RRP1B: variants seen among roughly 807,000 people sequenced by gnomAD.
RRP1B encodes the protein ribosomal RNA processing protein 1 homolog B.
In RRP1B, 56 loss-of-function variants were observed where a neutral mutation model predicts 80.2. The observed-to-expected ratio is 0.70, with a 90% CI of 0.56 to 0.87. RRP1B has a LOEUF of 0.87. RRP1B is among the 40% of genes least tolerant of loss of function. The probability of loss-of-function intolerance (pLI) is 0.00; values close to 1 mark genes in which losing one functional copy is unlikely to be tolerated. For synonymous variants in RRP1B, 351 were observed against 357.6 expected (o/e 0.98, Z 0.21); for missense variants, 807 against 939.8 (o/e 0.86, Z 1.85).
In RRP1B at chr21:43,690,423, C is replaced by G. The variant is rs757509095; in HGVS notation, c.2002C>G (p.Pro668Ala). Residue 668 changes from proline to alanine, a missense_variant, in exon 14 of 16, where the codon CCA (proline) becomes GCA (alanine). Coordinates refer to ENST00000340648, the MANE Select transcript of RRP1B (RefSeq NM_015056.3). ...CAAGAGCAGCACTGCCACCCACCCT[C>G]CAGGCCCTGCCGTCCAGGTACGCAC... is the stretch of plus-strand genomic sequence containing the variant. ...RAKSSTATHP[P>A]GPAVQLNKTP... The G allele has an allele frequency of 2.5e-6, 4 of 1,614,018 alleles. No individual in the cohort carries two copies. The highest frequency in any genetic ancestry group is 3.3e-5 in the Admixed American group (2 of 60,006).
At chr21:43,687,007 A>G in intron 12 of RRP1B, 72 bp downstream of exon 12, 1 of 1,521,292 alleles carries the variant, frequency 6.6e-7, no homozygotes, top group East Asian at 2.3e-5. Flanking sequence ...GAGGCCTCGG[A>G]GACTTGAGCT....
rs1460503920 is a variant in RRP1B, at chr21:43,695,608, C to T, written c.*2225C>T. 1 of 152,130 alleles carries T rather than the reference C, an allele frequency of 6.6e-6. No individual in the cohort carries two copies. Among genetic ancestry groups the T allele is most frequent in the Non-Finnish European group, 1.5e-5 (1 of 68,024 alleles). The allele number at this position is 152,130 out of a possible 1,614,324, so 9.4% of individuals were successfully genotyped here. On this transcript the variant is annotated 3_prime_UTR_variant, in exon 16 of 16. Transcript: ENST00000340648. ...TTTTTAAAAATTCTCATTACATAGA[C>T]GCACAAGAATATGTCACATAAAGAA...
In RRP1B at chr21:43,695,449, A is replaced by T. The variant is rs1188622660; in HGVS notation, c.*2066A>T. ...CCATGCCTGAGAGGTCCCGGCTGGG[A>T]GTGACAGGGTGCTTCTTAGATTCTA... On this transcript the variant is annotated 3_prime_UTR_variant, in exon 16 of 16. Transcript: ENST00000340648. 2.0e-5 allele frequency: 3 copies of T among 152,198 alleles called. No homozygotes were observed. Among genetic ancestry groups the T allele is most frequent in the Non-Finnish European group, 4.4e-5 (3 of 68,036 alleles). 9.4% of individuals were successfully genotyped at this position (152,198 alleles called of 1,614,324 possible).
chr21:43,672,435 C>A, intron 3 of RRP1B, 70 bp downstream of exon 3: 1 of 1,325,898 alleles, frequency 7.5e-7, no homozygotes, highest in Non-Finnish European at 1.1e-6. Context: ...AACCTTGTGC[C>A]GGTATTGTGT....
At position 43,695,609 on chromosome 21, in the gene RRP1B, G is replaced by A. The variant is rs2083104327; in HGVS notation, c.*2226G>A. On this transcript the variant is annotated 3_prime_UTR_variant, in exon 16 of 16. Coordinates refer to ENST00000340648, the MANE Select transcript of RRP1B (RefSeq NM_015056.3). ...TTTTAAAAATTCTCATTACATAGAC[G>A]CACAAGAATATGTCACATAAAGAAA... The A allele has an allele frequency of 1.3e-5, 2 of 152,166 alleles. No individual in the cohort carries two copies. The highest frequency in any genetic ancestry group is 2.9e-5 in the Non-Finnish European group (2 of 68,036). The allele number at this position is 152,166 out of a possible 1,614,324, so 9.4% of individuals were successfully genotyped here. A position where few individuals can be genotyped will look rare whatever the true frequency, so the allele number is the denominator to read the frequency against.
chr21:43,675,100 T>TG lies in RRP1B; in HGVS notation c.488dup (p.Val164SerfsTer7). On this transcript the variant is annotated frameshift_variant, in exon 6 of 16. Transcript: ENST00000340648. LOFTEE classifies it high-confidence loss of function. The stretch of plus-strand genomic sequence containing the variant: ...TGTGTCCTGAGAGTCAGTCTCCTAA[T>TG]GGAGTGAGATTCCACTTCATTGATA... 1 of 1,614,110 alleles carries TG rather than the reference T, an allele frequency of 6.2e-7. No homozygotes were observed. The highest frequency in any genetic ancestry group is 8.5e-7 in the Non-Finnish European group (1 of 1,179,970).
chr21:43,690,110 C>G (rs1405635215), intron 13 of RRP1B, among the ~76,000 whole-genome samples, 178 bp from the exon 14 acceptor site: 1 of 152,258 alleles, frequency 6.6e-6, no homozygotes, highest in Non-Finnish European at 1.5e-5. Context: ...TCGTGTTGTG[C>G]GTGAAGCCTG....
At position 43,688,049 on chromosome 21, in the gene RRP1B, A is replaced by G; in HGVS notation, c.1675A>G (p.Asn559Asp). 2 of 1,612,084 alleles carry G rather than the reference A, an allele frequency of 1.2e-6. No individual in the cohort carries two copies. The highest frequency in any genetic ancestry group is 1.7e-6 in the Non-Finnish European group (2 of 1,179,410). The change falls in exon 13 of 16, where the codon AAC becomes GAC. Residue 559 changes from asparagine (N) to aspartate (D), a missense_variant. By Grantham distance (23) the Asn-to-Asp change is conservative. Transcript: ENST00000340648. ...GPPTGPAEGA[N>D]SHTTLPQRRR... is the part of the protein sequence containing the mutation. The stretch of plus-strand genomic sequence containing the variant: ...TCCCACAGGCCCCGCAGAGGGGGCG[A>G]ACAGCCACACCACGCTGCCCCAGCG...
At chr21:43,690,203 C>A in intron 13 of RRP1B, 85 bp from the exon 14 acceptor site, 1 of 1,508,418 alleles carries the variant, frequency 6.6e-7, no homozygotes, top group African/African-American at 1.4e-5. Context: ...GCCTGGGGCT[C>A]TGCCTTCCCC....
chr21:43,688,360 C>A, intron 13 of RRP1B, 120 bp downstream of exon 13: 1 of 1,216,364 alleles, frequency 8.2e-7, no homozygotes, highest in Non-Finnish European at 1.1e-6. Flanking sequence ...GACTCAGCAG[C>A]AGTTAGAATA....
intron 1 of RRP1B, among the ~76,000 whole-genome samples, chr21:43,660,045 A>G (rs752778901): frequency 6.6e-6 from 1 of 152,142 alleles, no homozygotes; most frequent in Non-Finnish European, 1.5e-5. Flanking sequence ...AAAGACCCAC[A>G]TGGGTCCGAT....
At chr21:43,676,131 C>T (rs2083021539) in intron 6 of RRP1B, 141 bp from the exon 7 acceptor site, 1 of 616,806 alleles carries the variant, frequency 1.6e-6, no homozygotes, top group Non-Finnish European at 2.8e-6. Context: ...TGGCATTCCA[C>T]AGGGGCGCTT....
At position 43,659,925 on chromosome 21, in the gene RRP1B, C is replaced by T. The variant is rs2082942663; in HGVS notation, c.130+131C>T. The T allele has an allele frequency of 2.8e-6, 3 of 1,062,812 alleles. No individual in the cohort carries two copies. Among genetic ancestry groups the T allele is most frequent in the African/African-American group, 3.4e-5 (2 of 59,432 alleles). The allele number at this position is 1,062,812 out of a possible 1,614,324, so 65.8% of individuals were successfully genotyped here. On this transcript the variant is annotated intron_variant, in intron 1 of 15. Transcript: ENST00000340648. This position sits in a 1 kb window ranked among gnomAD's most constrained non-coding sequence, Gnocchi z 4.2. ...GACACCCAGCGTGTGCTTCGGTTTCCGCGCTGCCGGAACCGCTTCTTGCTG... is the reference window on the plus strand; with the variant it reads ...GACACCCAGCGTGTGCTTCGGTTTCTGCGCTGCCGGAACCGCTTCTTGCTG...
intron 8 of RRP1B, 51 bp from the exon 9 acceptor site, chr21:43,683,228 T>C: frequency 6.9e-7 from 1 of 1,453,934 alleles, no homozygotes; most frequent in East Asian, 2.3e-5. Flanking sequence ...AAGTAGTCAC[T>C]TCTGTGTATT....
At position 43,690,339 on chromosome 21, in the gene RRP1B, A is replaced by G. The variant is rs2083081604; in HGVS notation, c.1918A>G (p.Ser640Gly). 1 of 1,614,088 alleles carries G rather than the reference A, an allele frequency of 6.2e-7. No individual in the cohort carries two copies. The highest frequency in any genetic ancestry group is 1.7e-5 in the Admixed American group (1 of 60,012). ...SLKKQKLRAE[S>G]DFVKFDTPFL... is the part of the protein sequence containing the mutation. ...GAAGAAGCAGAAGCTGAGGGCAGAG[A>G]GCGACTTTGTGAAGTTTGACACCCC... Residue 640 changes from serine to glycine, a missense_variant, in exon 14 of 16, where the codon AGC becomes GGC. Transcript: ENST00000340648.
rs201825801 is a variant in RRP1B, at chr21:43,676,713, C to T, written c.615-20C>T. On this transcript the variant is annotated intron_variant, in intron 7 of 15. Transcript: ENST00000340648. Reference sequence around the variant, plus strand: ...CCGTTTGTTCTCATCACATGCTCTCCGCTGTGCTTCTACCCTCAGCCACAC... The same window carrying T: ...CCGTTTGTTCTCATCACATGCTCTCTGCTGTGCTTCTACCCTCAGCCACAC... 70 of 1,608,566 alleles carry T rather than the reference C, an allele frequency of 4.4e-5. No homozygotes were observed. The highest frequency in any genetic ancestry group is 3.5e-4 in the African/African-American group (26 of 74,946).
At chr21:43,690,896 A>G (rs1306418555) in intron 14 of RRP1B, among the ~76,000 whole-genome samples, 1 of 152,188 alleles carries the variant, frequency 6.6e-6, no homozygotes, top group Non-Finnish European at 1.5e-5. Context: ...GGATATGCAG[A>G]TAGCTCAGAG....
At chr21:43,685,183 C>T (rs376291699) in intron 10 of RRP1B, among the ~76,000 whole-genome samples, 9 of 152,254 alleles carry the variant, frequency 5.9e-5, no homozygotes, top group South Asian at 2.1e-4. Flanking sequence ...GCTCTGAGCA[C>T]TTTGTATACA....
intron 5 of RRP1B, 77 bp downstream of exon 5, chr21:43,674,774 G>C: frequency 7.6e-7 from 1 of 1,310,864 alleles, no homozygotes; most frequent in Non-Finnish European, 1.1e-6. Context: ...TTCTGAACTT[G>C]TAGAGTACCA....
Sources: gnomAD v4.1 joint callset for allele counts (sites outside exome capture counted in the v4.1 genomes callset) on GRCh38, gnomAD v4.1.1 for gene constraint, Gnocchi (gnomAD v3.1) non-coding constraint, MANE v1.5 for transcripts, NCBI Gene and HGNC (gene_info 2026-07-23, HGNC 2026-07-21) for gene names.